The following GHR variants were observed in gnomAD, a reference collection of about 807,000 sequenced individuals.
The protein encoded by GHR is GH receptor.
GHR carries 35 observed loss-of-function variants against 67.1 expected under a neutral mutation model. That is an observed-to-expected ratio of 0.52 (90% CI 0.40 to 0.69). The LOEUF is 0.69. GHR is among the 30% of genes least tolerant of loss of function. The pLI, the probability that GHR is intolerant of heterozygous loss-of-function variation, is 0.00. For missense variants in GHR, 792 were observed against 764.6 expected, an observed-to-expected ratio of 1.04 and a Z score of -0.42; for synonymous variants, 272 against 269.1, an observed-to-expected ratio of 1.01 and a Z score of -0.10.
chr5:42,479,532 G>T (rs577363271), intron 1 of GHR, among the ~76,000 whole-genome samples: 7 of 152,214 alleles, frequency 4.6e-5, no homozygotes, highest in African/African-American at 1.2e-4. Context: ...TTTTTGGTTC[G>T]TAAGCTATTC....
chr5:42,475,226 T>C (rs1745251270), intron 1 of GHR, among the ~76,000 whole-genome samples: 1 of 152,014 alleles, frequency 6.6e-6, no homozygotes, highest in African/African-American at 2.4e-5. Flanking sequence ...AGTCTTTCTG[T>C]GGGTTAAAGG....
chr5:42,658,201 A>G (rs1755361274), intron 3 of GHR, among the ~76,000 whole-genome samples: 1 of 152,090 alleles, frequency 6.6e-6, no homozygotes, highest in South Asian at 2.1e-4. Context: ...CCTAATGCCA[A>G]AAAAAAGCAA....
At chr5:42,655,229 T>C (rs1755196553) in intron 3 of GHR, among the ~76,000 whole-genome samples, 1 of 152,172 alleles carries the variant, frequency 6.6e-6, no homozygotes, top group South Asian at 2.1e-4. Flanking sequence ...AGTTGCATTT[T>C]CTTTGACGGG....
At chr5:42,703,441 T>C (rs182501837) in intron 6 of GHR, among the ~76,000 whole-genome samples, 1,697 of 152,196 alleles carry the variant, frequency 0.011, 12 homozygotes, top group Non-Finnish European at 0.016. Context: ...CCATGCTGTT[T>C]TGATGACTAT....
At chr5:42,485,817 T>C (rs966895993) in intron 1 of GHR, among the ~76,000 whole-genome samples, 2 of 152,222 alleles carry the variant, frequency 1.3e-5, no homozygotes, top group Non-Finnish European at 2.9e-5. Flanking sequence ...TGGAAAGATA[T>C]GTAACCAACT....
chr5:42,573,455 A>G (rs1451862870), intron 2 of GHR, among the ~76,000 whole-genome samples: 1 of 152,024 alleles, frequency 6.6e-6, no homozygotes, highest in Non-Finnish European at 1.5e-5. Flanking sequence ...ACCTCTTTCC[A>G]GGTGACTGAA....
chr5:42,638,350 A>G (rs1474570034), intron 3 of GHR, among the ~76,000 whole-genome samples: 1 of 152,206 alleles, frequency 6.6e-6, no homozygotes, highest in African/African-American at 2.4e-5. Flanking sequence ...TTTGCTTCAT[A>G]GTAAACTCTT....
At chr5:42,474,338 A>AG (rs1554054653) in intron 1 of GHR, among the ~76,000 whole-genome samples, 6 of 35,244 alleles carry the variant, frequency 1.7e-4, no homozygotes, top group African/African-American at 3.7e-4. Context: ...AGAAAGAAAG[A>AG]AAAGAAATAA....
chr5:42,600,231 G>C (rs907451759), intron 2 of GHR, among the ~76,000 whole-genome samples: 4 of 152,180 alleles, frequency 2.6e-5, no homozygotes, highest in Non-Finnish European at 5.9e-5. Flanking sequence ...TAGGAAAGTA[G>C]ACCCTGGAGA....
At chr5:42,510,343 A>G (rs1746958379) in intron 1 of GHR, among the ~76,000 whole-genome samples, 1 of 152,206 alleles carries the variant, frequency 6.6e-6, no homozygotes, top group Non-Finnish European at 1.5e-5. Flanking sequence ...CTTTCAGCAC[A>G]GTATATCATC....
intron 2 of GHR, among the ~76,000 whole-genome samples, chr5:42,581,375 T>G (rs1289443224): frequency 6.6e-6 from 1 of 152,226 alleles, no homozygotes; most frequent in Non-Finnish European, 1.5e-5. Flanking sequence ...TATGGAATTG[T>G]GAAAACTGTA....
chr5:42,519,359 A>G lies in GHR; in HGVS notation c.-11-46505A>G, dbSNP rs569531996. 7.8e-4 allele frequency among the ~76,000 whole-genome samples: 119 copies of G among 152,322 alleles called. 2 individuals are homozygous for G. In the South Asian group the frequency reaches 0.024, roughly 31 times the overall value. ...ATTTTTCCCATTATTCCTCAGAAAA[A>G]TAGCTGCTACATTTAAAGTGTTTAG... On this transcript the variant is annotated intron_variant, in intron 1 of 9. Transcript: ENST00000230882.
intron 2 of GHR, among the ~76,000 whole-genome samples, chr5:42,601,271 G>A (rs1293036653): frequency 6.6e-6 from 1 of 152,026 alleles, no homozygotes; most frequent in Non-Finnish European, 1.5e-5. Flanking sequence ...CTAGAGTTCT[G>A]TCTCTTTTAT....
intron 1 of GHR, among the ~76,000 whole-genome samples, chr5:42,437,601 G>A (rs1267024726): frequency 6.6e-6 from 1 of 151,584 alleles, no homozygotes; most frequent in Non-Finnish European, 1.5e-5. Context: ...AGGCTGGAGT[G>A]CAGTGGCGTG....
intron 2 of GHR, among the ~76,000 whole-genome samples, chr5:42,591,010 A>G (rs1751745262): frequency 6.6e-6 from 1 of 152,238 alleles, no homozygotes; most frequent in East Asian, 1.9e-4. Flanking sequence ...AATCTTTAAA[A>G]GGGAACTCTG....
intron 1 of GHR, among the ~76,000 whole-genome samples, chr5:42,536,000 T>C (rs1353707561): frequency 1.3e-5 from 2 of 152,168 alleles, no homozygotes; most frequent in Non-Finnish European, 2.9e-5. Flanking sequence ...TACTGATTTG[T>C]GTACATTAAT....
At chr5:42,580,705 T>C (rs1238224000) in intron 2 of GHR, among the ~76,000 whole-genome samples, 4 of 152,156 alleles carry the variant, frequency 2.6e-5, no homozygotes, top group Admixed American at 2.6e-4. Context: ...ACACACAACC[T>C]CCTTCTCTAG....
intron 1 of GHR, chr5:42,468,525 C>T (rs1561321212): frequency 7.5e-6 from 6 of 799,496 alleles, no homozygotes. Flanking sequence ...ACCTCAGCTC[C>T]TACTGGCACG....
intron 2 of GHR, among the ~76,000 whole-genome samples, chr5:42,580,436 G>A (rs1281830334): frequency 6.6e-6 from 1 of 152,120 alleles, no homozygotes; most frequent in Non-Finnish European, 1.5e-5. Context: ...GGTGGAAAGA[G>A]CTATGGAAAA....
Sources: gnomAD v4.1 joint callset for allele counts (sites outside exome capture counted in the v4.1 genomes callset) on GRCh38, gnomAD v4.1.1 for gene constraint, MANE v1.5 for transcripts, NCBI Gene and HGNC (gene_info 2026-07-23, HGNC 2026-07-21) for gene names.